The following ADAM30 variants were observed in gnomAD, a reference collection of about 807,000 sequenced individuals.
The protein encoded by ADAM30 is ADAM metallopeptidase domain 30.
For synonymous variants in ADAM30, 382 were observed against 340.9 expected, an observed-to-expected ratio of 1.12 and a Z score of -1.33; for missense variants, 960 against 959.4, an observed-to-expected ratio of 1.00 and a Z score of -0.01.
chr1:119,893,786 C>G lies in ADAM30; in HGVS notation c.*178G>C, dbSNP rs969160689. On this transcript the variant is annotated 3_prime_UTR_variant, in exon 1 of 1. Coordinates refer to ENST00000369400, the MANE Select transcript of ADAM30 (RefSeq NM_021794.4). ...ACAAACTGAGGGGCAAGTGAACACT[C>G]GAGAAGTAGAATGCACTGGTTTGTT... 2.3e-6 allele frequency: 3 copies of G among 1,292,420 alleles called. No homozygotes were observed. The highest frequency in any genetic ancestry group is 3.1e-6 in the Non-Finnish European group (3 of 969,564). The allele number at this position is 1,292,420 out of a possible 1,614,324, so 80.1% of individuals were successfully genotyped here.
In ADAM30 at chr1:119,894,860, C is replaced by T; in HGVS notation, c.1477G>A (p.Gly493Ser). 1 of 1,614,176 alleles carries T rather than the reference C, an allele frequency of 6.2e-7. No homozygotes were observed. Among genetic ancestry groups the T allele is most frequent in the Non-Finnish European group, 8.5e-7 (1 of 1,180,040 alleles). ...KQDGTPCKYEGRCFRKGCRSR... is the reference protein window; with the variant it reads ...KQDGTPCKYESRCFRKGCRSR... ...CTGCACCCCTTCCTGAAACAACGGCCTTCATACTTGCAAGGGGTTCCATCC... is the reference window on the plus strand; with the variant it reads ...CTGCACCCCTTCCTGAAACAACGGCTTTCATACTTGCAAGGGGTTCCATCC... The change falls in exon 1 of 1, where the codon GGC becomes AGC. Residue 493 changes from glycine (G) to serine (S), a missense_variant. Coordinates refer to ENST00000369400, the MANE Select transcript of ADAM30 (RefSeq NM_021794.4).
At position 119,894,057 on chromosome 1, in the gene ADAM30, T is replaced by C. The variant is rs751991590; in HGVS notation, c.2280A>G (p.Glu760=). ...QEESEAKTGQ[E]ESKAKTGQEE... ...CCTGTCCAGTTTTTGCTTTAGATTC[T>C]TCCTGTCCAGTTTTTGCTTCAGATT... The change falls in exon 1 of 1, where the codon GAA becomes GAG. Residue 760 remains glutamate, a synonymous_variant. Transcript: ENST00000369400. 18 of 1,614,084 alleles carry C rather than the reference T, an allele frequency of 1.1e-5. No individual in the cohort carries two copies. In the African/African-American group the frequency reaches 2.1e-4, roughly 19 times the overall value.
At position 119,895,011 on chromosome 1, in the gene ADAM30, T is replaced by G. The variant is rs1350970755; in HGVS notation, c.1326A>C (p.Gly442=). Residue 442 remains glycine, a synonymous_variant, in exon 1 of 1, where the codon GGA becomes GGC. Coordinates refer to ENST00000369400, the MANE Select transcript of ADAM30 (RefSeq NM_021794.4). ...KLQPGANCSI[G]LCCHDCRFRP... is the part of the protein sequence containing the mutation. Reference sequence around the variant, plus strand: ...GAAACCGACAATCATGACAGCAAAGTCCAATGCTACAGTTGGCACCTGGTT... The same window carrying G: ...GAAACCGACAATCATGACAGCAAAGGCCAATGCTACAGTTGGCACCTGGTT... The G allele has an allele frequency of 6.2e-7, 1 of 1,614,042 alleles. No individual in the cohort carries two copies. Among genetic ancestry groups the G allele is most frequent in the Non-Finnish European group, 8.5e-7 (1 of 1,180,034 alleles).
At position 119,894,652 on chromosome 1, in the gene ADAM30, A is replaced by G; in HGVS notation, c.1685T>C (p.Val562Ala). 1 of 1,614,166 alleles carries G rather than the reference A, an allele frequency of 6.2e-7. No homozygotes were observed. The highest frequency in any genetic ancestry group is 1.7e-5 in the Admixed American group (1 of 60,032). Residue 562 changes from valine to alanine, a missense_variant, in exon 1 of 1, where the codon GTT becomes GCT. Val to Ala is a moderately conservative substitution (Grantham distance 64). Coordinates refer to ENST00000369400, the MANE Select transcript of ADAM30 (RefSeq NM_021794.4). ...CTCTGGCAAATCAGGGATGGTTTCA[A>G]CATTTATACACTGTAGCCTGCCACA... is the stretch of plus-strand genomic sequence containing the variant. ...SICGRLQCIN[V>A]ETIPDLPEHT...
Position 119,894,619 on chromosome 1 carries a change from G to A in ADAM30, c.1718C>T (p.Thr573Ile). Residue 573 changes from threonine to isoleucine, a missense_variant, in exon 1 of 1, where the codon ACT (threonine) becomes ATT (isoleucine). By Grantham distance (89) the Thr-to-Ile change is moderately conservative. Coordinates refer to ENST00000369400, the MANE Select transcript of ADAM30 (RefSeq NM_021794.4). ...TGCCTGTAAATGAGTAGAAATTATA[G>A]TCGTATGCTCTGGCAAATCAGGGAT... The part of the protein sequence containing the change: ...ETIPDLPEHT[T>I]IISTHLQAEN... 1 of 1,614,148 alleles carries A rather than the reference G, an allele frequency of 6.2e-7. No individual in the cohort carries two copies.
Position 119,896,043 on chromosome 1 carries a change from T to A in ADAM30, c.294A>T (p.Glu98Asp). 1 of 1,614,088 alleles carries A rather than the reference T, an allele frequency of 6.2e-7. No homozygotes were observed. The highest frequency in any genetic ancestry group is 8.5e-7 in the Non-Finnish European group (1 of 1,180,012). Residue 98 changes from glutamate (E) to aspartate (D), a missense_variant, in exon 1 of 1, where the codon GAA becomes GAT. Transcript: ENST00000369400. ...LRVFSFTEHG[E>D]LLEDHPYIPK... ...GTATGTAAGGATGATCCTCCAGCAG[T>A]TCCCCATGTTCTGTGAAGGAGAAAA...
rs767059190 is a variant in ADAM30, at chr1:119,895,973, A to C, written c.364T>G (p.Ser122Ala). 6.2e-7 allele frequency: 1 copy of C among 1,614,066 alleles called. No homozygotes were observed. The highest frequency in any genetic ancestry group is 1.3e-5 in the African/African-American group (1 of 74,936). ...YMGSVKESLD[S>A]KATISTCMGG... ...ATGCATGTGCTTATAGTAGCTTTAGAGTCCAGAGACTCTTTCACGGAGCCC... is the reference window on the plus strand; with the variant it reads ...ATGCATGTGCTTATAGTAGCTTTAGCGTCCAGAGACTCTTTCACGGAGCCC... Residue 122 changes from serine (S) to alanine (A), a missense_variant, in exon 1 of 1, where the codon TCT becomes GCT. By Grantham distance (99) the Ser-to-Ala change is moderately conservative (BLOSUM62 1). Coordinates refer to ENST00000369400, the MANE Select transcript of ADAM30 (RefSeq NM_021794.4).
Position 119,895,884 on chromosome 1 carries a change from G to T in ADAM30, c.453C>A (p.Ala151=), listed in dbSNP as rs1218187623. Residue 151 remains alanine (A), a synonymous_variant, in exon 1 of 1, where the codon GCC becomes GCA. Coordinates refer to ENST00000369400, the MANE Select transcript of ADAM30 (RefSeq NM_021794.4). ...AGACGACATGTTCAAAACTGGGAGAGGCCTTGAGGGGCTCAATTTGGTAAT... is the reference window on the plus strand; with the variant it reads ...AGACGACATGTTCAAAACTGGGAGATGCCTTGAGGGGCTCAATTTGGTAAT... The part of the protein sequence containing the change: ...AKHYQIEPLK[A]SPSFEHVVYL... 1.2e-6 allele frequency: 2 copies of T among 1,614,120 alleles called. No individual in the cohort carries two copies. The highest frequency in any genetic ancestry group is 2.7e-5 in the African/African-American group (2 of 75,022).
chr1:119,896,233 T>A lies in ADAM30; in HGVS notation c.104A>T (p.Glu35Val). The A allele has an allele frequency of 6.2e-7, 1 of 1,614,090 alleles. No homozygotes were observed. Among genetic ancestry groups the A allele is most frequent in the Non-Finnish European group, 8.5e-7 (1 of 1,180,010 alleles). Residue 35 changes from glutamate to valine, a missense_variant, in exon 1 of 1, where the codon GAA (glutamate) becomes GTA (valine). Glu to Val is a moderately radical substitution (Grantham distance 121). Coordinates refer to ENST00000369400, the MANE Select transcript of ADAM30 (RefSeq NM_021794.4). The stretch of plus-strand genomic sequence containing the variant: ...GACTTCATACGAGTCAAACTCCCCT[T>A]CAGGGTGAAAAATTACATCTTCGCC... ...SLGEDVIFHP[E>V]GEFDSYEVTI... is the part of the protein sequence containing the mutation.
Position 119,894,409 on chromosome 1 carries a change from A to G in ADAM30, c.1928T>C (p.Val643Ala), listed in dbSNP as rs1408478921. The G allele has an allele frequency of 5.6e-6, 9 of 1,614,128 alleles. No individual in the cohort carries two copies. Among genetic ancestry groups the G allele is most frequent in the Non-Finnish European group, 7.6e-6 (9 of 1,180,036 alleles). ...GTGGCAGTTTTTTCTGTTGTTGCAAACACCCCGGGTATTGCATTTCTCAGG... is the reference window on the plus strand; with the variant it reads ...GTGGCAGTTTTTTCTGTTGTTGCAAGCACCCCGGGTATTGCATTTCTCAGG... Reference protein sequence around the residue: ...CLPEKCNTRGVCNNRKNCHCM... With the variant: ...CLPEKCNTRGACNNRKNCHCM... The change falls in exon 1 of 1, where the codon GTT becomes GCT. Residue 643 changes from valine (V) to alanine (A), a missense_variant. Val to Ala is a moderately conservative substitution (Grantham distance 64). Coordinates refer to ENST00000369400, the MANE Select transcript of ADAM30 (RefSeq NM_021794.4).
At position 119,893,757 on chromosome 1, in the gene ADAM30, G is replaced by T; in HGVS notation, c.*207C>A. On this transcript the variant is annotated 3_prime_UTR_variant, in exon 1 of 1. Transcript: ENST00000369400. ...ATGATTCTCAGAATACCCACAACTT[G>T]GTCACAAACTGAGGGGCAAGTGAAC... 1 of 976,516 alleles carries T rather than the reference G, an allele frequency of 1.0e-6. No individual in the cohort carries two copies. The highest frequency in any genetic ancestry group is 1.4e-6 in the Non-Finnish European group (1 of 692,206). 60.5% of individuals were successfully genotyped at this position (976,516 alleles called of 1,614,324 possible).
chr1:119,896,347 C>T lies in ADAM30; in HGVS notation c.-11G>A, dbSNP rs767617917. ...CTGCACTGACCTCATGGTCTGTTCC[C>T]TACTCAGCCTCAGTTTGCTATTCAG... is the stretch of plus-strand genomic sequence containing the variant. On this transcript the variant is annotated 5_prime_UTR_variant, in exon 1 of 1. Coordinates refer to ENST00000369400, the MANE Select transcript of ADAM30 (RefSeq NM_021794.4). 5 of 1,532,480 alleles carry T rather than the reference C, an allele frequency of 3.3e-6. No individual in the cohort carries two copies. Among genetic ancestry groups the T allele is most frequent in the Non-Finnish European group, 4.4e-6 (5 of 1,140,238 alleles). The allele number at this position is 1,532,480 out of a possible 1,614,324, so 94.9% of individuals were successfully genotyped here.
Position 119,896,429 on chromosome 1 carries a change from T to C in ADAM30, c.-93A>G. On this transcript the variant is annotated 5_prime_UTR_variant, in exon 1 of 1. Transcript: ENST00000369400. ...TCTGGGGGCCGCCGCTAGAGGCGCC[T>C]GAGCTCAAAACCCGGCTCCCCTGGC... 1 of 1,433,624 alleles carries C rather than the reference T, an allele frequency of 7.0e-7. No individual in the cohort carries two copies. The highest frequency in any genetic ancestry group is 9.2e-7 in the Non-Finnish European group (1 of 1,092,660). The allele number at this position is 1,433,624 out of a possible 1,614,324, so 88.8% of individuals were successfully genotyped here. A position where few individuals can be genotyped will look rare whatever the true frequency, so the allele number is the denominator to read the frequency against.
chr1:119,895,982 AC>A lies in ADAM30; in HGVS notation c.354del (p.Glu118AspfsTer9), dbSNP rs1346618248. 4 of 1,613,776 alleles carry A rather than the reference AC, an allele frequency of 2.5e-6. No homozygotes were observed. Among genetic ancestry groups the A allele is most frequent in the Non-Finnish European group, 3.4e-6 (4 of 1,179,976 alleles). ...CTTATAGTAGCTTTAGAGTCCAGAG[AC>A]TCTTTCACGGAGCCCATGTAGTTGC... ...KDCNYMGSVK[E>X]SLDSKATIST... On this transcript the variant is annotated frameshift_variant, in exon 1 of 1. Coordinates refer to ENST00000369400, the MANE Select transcript of ADAM30 (RefSeq NM_021794.4). LOFTEE classifies it low-confidence loss of function (END_TRUNC).
chr1:119,894,373 C>T lies in ADAM30; in HGVS notation c.1964G>A (p.Gly655Glu). 6.2e-7 allele frequency: 1 copy of T among 1,614,200 alleles called. No homozygotes were observed. The highest frequency in any genetic ancestry group is 1.1e-5 in the South Asian group (1 of 91,086). The change falls in exon 1 of 1, where the codon GGG (glycine) becomes GAG (glutamate). Residue 655 changes from glycine (G) to glutamate (E), a missense_variant. Gly to Glu is a moderately conservative substitution (Grantham distance 98, BLOSUM62 -2). Coordinates refer to ENST00000369400, the MANE Select transcript of ADAM30 (RefSeq NM_021794.4). ...NNRKNCHCMYGWAPPFCEEVG... is the reference protein window; with the variant it reads ...NNRKNCHCMYEWAPPFCEEVG... ...TTCCTCACAGAATGGAGGTGCCCAC[C>T]CATACATGCAGTGGCAGTTTTTTCT...
Position 119,893,598 on chromosome 1 carries a change from G to C in ADAM30, c.*366C>G, listed in dbSNP as rs1571134281. On this transcript the variant is annotated 3_prime_UTR_variant, in exon 1 of 1. Transcript: ENST00000369400. ...GGATGTTCACATGGATCAAGTTGAG[G>C]GAGGCAGAGGGAGAGGCAGACAATT... 4.0e-6 allele frequency: 1 copy of C among 247,580 alleles called. No individual in the cohort carries two copies. Among genetic ancestry groups the C allele is most frequent in the Non-Finnish European group, 7.7e-6 (1 of 129,960 alleles). The allele number at this position is 247,580 out of a possible 1,614,324, so 15.3% of individuals were successfully genotyped here.
rs1648562210 is a variant in ADAM30, at chr1:119,895,657, A to G, written c.680T>C (p.Ile227Thr). The stretch of plus-strand genomic sequence containing the variant: ...CCCAGTCAAAAGAATGGCATCATGT[A>G]TGACTTGAGAAAGATTGTTGTTCAC... The part of the protein sequence containing the change: ...RFVNNNLSQV[I>T]HDAILLTGIM... Residue 227 changes from isoleucine to threonine, a missense_variant, in exon 1 of 1, where the codon ATA becomes ACA. By Grantham distance (89) the Ile-to-Thr change is moderately conservative (BLOSUM62 -1). Transcript: ENST00000369400. The G allele has an allele frequency of 2.5e-6, 4 of 1,614,036 alleles. No individual in the cohort carries two copies. Among genetic ancestry groups the G allele is most frequent in the Non-Finnish European group, 3.4e-6 (4 of 1,180,042 alleles).
In ADAM30 at chr1:119,894,413, C is replaced by A; in HGVS notation, c.1924G>T (p.Gly642Cys). ...CAGTTTTTTCTGTTGTTGCAAACAC[C>A]CCGGGTATTGCATTTCTCAGGCAAA... ...DCLPEKCNTR[G>C]VCNNRKNCHC... The change falls in exon 1 of 1, where the codon GGT becomes TGT. Residue 642 changes from glycine (G) to cysteine (C), a missense_variant. Transcript: ENST00000369400. The A allele has an allele frequency of 1.2e-6, 2 of 1,614,138 alleles. No homozygotes were observed. Among genetic ancestry groups the A allele is most frequent in the Non-Finnish European group, 1.7e-6 (2 of 1,180,030 alleles).
chr1:119,894,907 C>CA lies in ADAM30; in HGVS notation c.1429dup (p.Cys477LeufsTer4). 6.2e-7 allele frequency: 1 copy of CA among 1,614,148 alleles called. No homozygotes were observed. Among genetic ancestry groups the CA allele is most frequent in the Non-Finnish European group, 8.5e-7 (1 of 1,180,020 alleles). ...ATCCTGCTTATAAACGTCATTTGGGCAGGAACTTGAATTCCCGTCGCAGTA... is the reference window on the plus strand; with the variant it reads ...ATCCTGCTTATAAACGTCATTTGGGCAAGGAACTTGAATTCCCGTCGCAGTA... On this transcript the variant is annotated frameshift_variant, in exon 1 of 1. Coordinates refer to ENST00000369400, the MANE Select transcript of ADAM30 (RefSeq NM_021794.4). LOFTEE classifies it low-confidence loss of function (END_TRUNC).
Sources: gnomAD v4.1 joint callset for allele counts on GRCh38, gnomAD v4.1.1 for gene constraint, MANE v1.5 for transcripts, NCBI Gene and HGNC (gene_info 2026-07-23, HGNC 2026-07-21) for gene names.